The following CNTNAP2 variants were observed in gnomAD, a reference collection of about 807,000 sequenced individuals.
CNTNAP2 encodes contactin associated protein 2, also known as contactin-associated protein-like 2.
CNTNAP2 carries 98 observed loss-of-function variants against 155.2 expected under a neutral mutation model. The observed-to-expected ratio is 0.63, with a 90% CI of 0.54 to 0.75. The LOEUF is 0.75. Among genes scored for constraint, CNTNAP2 ranks in the 30% least tolerant of loss-of-function variants. CNTNAP2 has a pLI of 0.00. For synonymous variants in CNTNAP2, 651 were observed against 631.2 expected (o/e 1.03, Z -0.47); for missense variants, 1,727 against 1,688.1 (o/e 1.02, Z -0.40).
intron 8 of CNTNAP2, among the ~76,000 whole-genome samples, chr7:147,137,500 C>T (rs1337213737): frequency 6.6e-6 from 1 of 151,572 alleles, no homozygotes; most frequent in Non-Finnish European, 1.5e-5. Context: ...CAATATGCTA[C>T]AAAACAATTG....
At chr7:147,117,477 C>T (rs4726818) in intron 5 of CNTNAP2, among the ~76,000 whole-genome samples, 68,157 of 151,888 alleles carry the variant, frequency 0.45, 17,099 homozygotes, top group Middle Eastern at 0.63. Flanking sequence ...AAGTTGTTTC[C>T]CTAATCCGTC....
At chr7:147,286,834 TTCTCAAA>T (rs1327268543) in intron 8 of CNTNAP2, among the ~76,000 whole-genome samples, 1 of 152,090 alleles carries the variant, frequency 6.6e-6, no homozygotes, top group East Asian at 1.9e-4. Flanking sequence ...CTCCTTCACA[TTCTCAAA>T]TCTAATGTTC....
At chr7:148,328,886 G>T (rs1229984246) in intron 21 of CNTNAP2, among the ~76,000 whole-genome samples, 2 of 143,616 alleles carry the variant, frequency 1.4e-5, no homozygotes, top group East Asian at 4.4e-4. Context: ...TGAGGCAGGA[G>T]AATTGCTTGA....
rs1002592391 is a variant in CNTNAP2, at chr7:148,280,082, G to A, written c.3475+12956G>A. On this transcript the variant is annotated intron_variant, in intron 21 of 23. Transcript: ENST00000361727. The stretch of plus-strand genomic sequence containing the variant: ...TCAGCACTTTGGGAGGCTGAGGCAG[G>A]AAGATCACTTGAGGTCAGGAGTTCG... 5.3e-5 allele frequency among the ~76,000 whole-genome samples: 8 copies of A among 152,180 alleles called. 1 individual carries two copies. The highest frequency in any genetic ancestry group is 4.6e-4 in the Admixed American group (7 of 15,280).
chr7:146,556,658 T>A (rs1209072593), intron 1 of CNTNAP2, among the ~76,000 whole-genome samples: 1 of 152,152 alleles, frequency 6.6e-6, no homozygotes, highest in Non-Finnish European at 1.5e-5. Context: ...TATTGAAAAT[T>A]CTAATCATTT....
rs181390915 is a variant in CNTNAP2 at position 148,090,665 on chromosome 7, A to C, written c.2384-27453A>C. ...TGTTGGTAGAAATGTAAATTAGTACAACCATTAGGGTAAACAGTATGGAGG... is the reference window on the plus strand; with the variant it reads ...TGTTGGTAGAAATGTAAATTAGTACCACCATTAGGGTAAACAGTATGGAGG... On this transcript the variant is annotated intron_variant, in intron 15 of 23. Transcript: ENST00000361727. Among the ~76,000 whole-genome samples, 104 of 152,268 alleles carry C rather than the reference A, an allele frequency of 6.8e-4. 2 individuals are homozygous for C. In the East Asian group the frequency reaches 0.018, roughly 27 times the overall value.
intron 8 of CNTNAP2, among the ~76,000 whole-genome samples, chr7:147,284,693 T>C (rs756780293): frequency 3.1e-4 from 47 of 152,050 alleles, no homozygotes; most frequent in Non-Finnish European, 5.3e-4. Context: ...AAATACTGTT[T>C]TAACGTACTC....
intron 18 of CNTNAP2, among the ~76,000 whole-genome samples, chr7:148,209,298 C>CTTT (rs11371612): frequency 2.3e-5 from 3 of 130,424 alleles, no homozygotes; most frequent in South Asian, 2.6e-4. Flanking sequence ...TCTTTTCTTC[C>CTTT]TTTTTTTTTT....
intron 3 of CNTNAP2, among the ~76,000 whole-genome samples, chr7:146,914,954 TTA>T (rs1243968726): frequency 1.3e-5 from 2 of 152,148 alleles, no homozygotes; most frequent in Non-Finnish European, 2.9e-5. Flanking sequence ...GTTTCAAGAC[TTA>T]TATTTAGGTT....
At chr7:148,294,219 C>G (rs1797242448) in intron 21 of CNTNAP2, among the ~76,000 whole-genome samples, 1 of 151,996 alleles carries the variant, frequency 6.6e-6, no homozygotes, top group Non-Finnish European at 1.5e-5. Flanking sequence ...ACGCTGGCAC[C>G]CATCTCTGCA....
intron 21 of CNTNAP2, among the ~76,000 whole-genome samples, chr7:148,343,029 G>A (rs1798261904): frequency 6.6e-6 from 1 of 152,188 alleles, no homozygotes; most frequent in Non-Finnish European, 1.5e-5. Context: ...ACTCCACAAA[G>A]GGAAAGTTCC....
At chr7:147,926,915 C>A (rs1422121060) in intron 14 of CNTNAP2, among the ~76,000 whole-genome samples, 2 of 152,132 alleles carry the variant, frequency 1.3e-5, no homozygotes, top group Admixed American at 1.3e-4. Flanking sequence ...TATTTCCTCT[C>A]TAATTTAAAT....
At chr7:146,639,631 TC>T (rs1188921347) in intron 1 of CNTNAP2, among the ~76,000 whole-genome samples, 1 of 152,194 alleles carries the variant, frequency 6.6e-6, no homozygotes, top group Non-Finnish European at 1.5e-5. Context: ...TCCCAACCCC[TC>T]CTCCAGGGAG....
chr7:146,385,855 T>C (rs534248996), intron 1 of CNTNAP2, among the ~76,000 whole-genome samples: 52 of 152,346 alleles, frequency 3.4e-4, no homozygotes, highest in East Asian at 1.5e-3. Flanking sequence ...TAAGCTGTCA[T>C]TGTATTACAA....
chr7:146,606,184 T>C (rs1799044030), intron 1 of CNTNAP2, among the ~76,000 whole-genome samples: 1 of 152,184 alleles, frequency 6.6e-6, no homozygotes, highest in Admixed American at 6.5e-5. Context: ...TGCCTATGAA[T>C]GTGAATGAGT....
rs541003058 is a variant in CNTNAP2 at position 146,605,341 on chromosome 7, G to C, written c.98-168930G>C. Among the ~76,000 whole-genome samples the C allele has an allele frequency of 9.9e-5, 15 of 151,294 alleles. 1 individual carries two copies. The highest frequency in any genetic ancestry group is 6.9e-3 in the Middle Eastern group (2 of 290). The stretch of plus-strand genomic sequence containing the variant: ...TCATTGTTTTCATTTTACCAATGAG[G>C]AAATGGATTCAGAGATTAAACACCT... On this transcript the variant is annotated intron_variant, in intron 1 of 23. Transcript: ENST00000361727.
rs551167488 is a variant in CNTNAP2, at chr7:146,139,350, C to A, written c.97+22377C>A. Among the ~76,000 whole-genome samples the A allele has an allele frequency of 9.2e-5, 14 of 152,202 alleles. No individual in the cohort carries two copies. In the South Asian group the frequency reaches 1.7e-3, roughly 18 times the overall value. Reference sequence around the variant, plus strand: ...GCTATTTTAATTATGATTGCAATGACCAATCAGGTCTGTGGAGCTGTTTTT... The same window carrying A: ...GCTATTTTAATTATGATTGCAATGAACAATCAGGTCTGTGGAGCTGTTTTT... On this transcript the variant is annotated intron_variant, in intron 1 of 23. Transcript: ENST00000361727.
intron 8 of CNTNAP2, among the ~76,000 whole-genome samples, chr7:147,226,769 C>T (rs1496547): frequency 0.73 from 111,080 of 152,142 alleles, 41,123 homozygotes; most frequent in African/African-American, 0.84. Flanking sequence ...ATTAGCCTTC[C>T]GCTCTTTTAC....
At chr7:147,842,557 C>CTTTTTTTTTTT (rs1171642244) in intron 13 of CNTNAP2, among the ~76,000 whole-genome samples, 3 of 87,588 alleles carry the variant, frequency 3.4e-5, no homozygotes, top group Non-Finnish European at 5.0e-5. Flanking sequence ...AGTTGCATTT[C>CTTTTTTTTTTT]TTTTTTTTTT....
Sources: gnomAD v4.1 joint callset for allele counts (sites outside exome capture counted in the v4.1 genomes callset) on GRCh38, gnomAD v4.1.1 for gene constraint, MANE v1.5 for transcripts, NCBI Gene and HGNC (gene_info 2026-07-23, HGNC 2026-07-21) for gene names.